ACVR2B: variants seen among roughly 807,000 people sequenced by gnomAD.
ACVR2B encodes activin A receptor type 2B, also known as activin receptor type-2B.
In ACVR2B, 18 loss-of-function variants were observed where a neutral mutation model predicts 65.1. The ratio of observed to expected loss-of-function variants is 0.28; its 90% CI spans 0.19 to 0.41. The LOEUF (loss-of-function observed/expected upper bound fraction) is 0.41, where lower values mean the gene tolerates loss of function less well. Ranked by LOEUF, ACVR2B falls within the 10% of genes least tolerant of loss-of-function variation. ACVR2B has a pLI of 1.00. For missense variants in ACVR2B, 482 were observed against 682.7 expected, an observed-to-expected ratio of 0.71 and a Z score of 3.28; for synonymous variants, 298 against 277.7, an observed-to-expected ratio of 1.07 and a Z score of -0.73.
rs762333015 is a variant in ACVR2B at position 38,477,533 on chromosome 3, C to T, written c.260+39C>T. The T allele has an allele frequency of 1.4e-5, 23 of 1,599,970 alleles. No homozygotes were observed. In the South Asian group the frequency reaches 2.5e-4, roughly 17 times the overall value. ...TGCCCTCCTTTCCTCTTGGACCCAC[C>T]TGCGCTTATACTGCCCACTGGGCCA... On this transcript the variant is annotated intron_variant, in intron 2 of 10. Transcript: ENST00000352511. This position sits in a 1 kb window ranked among gnomAD's most constrained non-coding sequence, Gnocchi z 6.7.
At chr3:38,465,517 C>T (rs903841168) in intron 1 of ACVR2B, among the ~76,000 whole-genome samples, 7 of 151,688 alleles carry the variant, frequency 4.6e-5, no homozygotes, top group East Asian at 1.9e-4. Context: ...ACTTGTTTTA[C>T]GTAATAACAG....
In ACVR2B at chr3:38,481,426, A is replaced by G; in HGVS notation, c.1035A>G (p.Arg345=). ...TGGCTGACTTTGGCTTGGCTGTTCG[A>G]TTTGAGCCAGGGAAACCTCCAGGGG... ...AVLADFGLAV[R]FEPGKPPGDT... The change falls in exon 8 of 11, where the codon CGA becomes CGG. Residue 345 remains arginine (R), a synonymous_variant. Coordinates refer to ENST00000352511, the MANE Select transcript of ACVR2B (RefSeq NM_001106.4). The surrounding 1 kb of genome is among the most constrained non-coding windows in gnomAD (Gnocchi z 4.7). 6.2e-7 allele frequency: 1 copy of G among 1,614,194 alleles called. No individual in the cohort carries two copies. Among genetic ancestry groups the G allele is most frequent in the Non-Finnish European group, 8.5e-7 (1 of 1,180,034 alleles).
chr3:38,473,391 G>GC (rs1709852732), intron 1 of ACVR2B: 1 of 152,464 alleles, frequency 6.6e-6, no homozygotes, highest in South Asian at 2.1e-4. Context: ...GTCAAGGGGA[G>GC]CCTCCTGTGC....
intron 6 of ACVR2B, among the ~76,000 whole-genome samples, 178 bp downstream of exon 6, chr3:38,479,449 T>C (rs1709978149): frequency 6.6e-6 from 1 of 152,174 alleles, no homozygotes; most frequent in South Asian, 2.1e-4. Context: ...TCCCCTATGA[T>C]AGGAACCTCT....
rs1236612689 is a variant in ACVR2B at position 38,492,629 on chromosome 3, A to G, written c.*9297A>G. On this transcript the variant is annotated 3_prime_UTR_variant, in exon 11 of 11. Coordinates refer to ENST00000352511, the MANE Select transcript of ACVR2B (RefSeq NM_001106.4). ...CTACTGAATTAACAAAAGTTATACTAAAGTATCATGTTTAAAAAAAATATA... is the reference window on the plus strand; with the variant it reads ...CTACTGAATTAACAAAAGTTATACTGAAGTATCATGTTTAAAAAAAATATA... The G allele has an allele frequency of 2.3e-5, 2 of 88,068 alleles. No homozygotes were observed. Among genetic ancestry groups the G allele is most frequent in the African/African-American group, 7.4e-5 (2 of 26,916 alleles). The allele number at this position is 88,068 out of a possible 1,614,324, so 5.5% of individuals were successfully genotyped here.
In ACVR2B at chr3:38,481,269, G is replaced by T; in HGVS notation, c.960-82G>T. The stretch of plus-strand genomic sequence containing the variant: ...GCCTGGTCTGGGGCCTGACTCTAGG[G>T]CACAGACTCTAGTATCTTGGGAACC... On this transcript the variant is annotated intron_variant, in intron 7 of 10. Transcript: ENST00000352511. The surrounding 1 kb of genome is among the most constrained non-coding windows in gnomAD (Gnocchi z 4.7). 1 of 1,210,782 alleles carries T rather than the reference G, an allele frequency of 8.3e-7. No homozygotes were observed. The allele number at this position is 1,210,782 out of a possible 1,614,324, so 75.0% of individuals were successfully genotyped here.
chr3:38,459,848 G>T (rs79677453), intron 1 of ACVR2B, among the ~76,000 whole-genome samples: 1 of 152,304 alleles, frequency 6.6e-6, no homozygotes, highest in Non-Finnish European at 1.5e-5. Context: ...ATCTGTGGAG[G>T]CTTGTCTATT....
chr3:38,459,431 G>A (rs1409498516), intron 1 of ACVR2B: 2 of 221,040 alleles, frequency 9.0e-6, no homozygotes, highest in Non-Finnish European at 1.5e-5. Context: ...TCTTCCTCCC[G>A]TACACGCAGA....
rs1367858331 is a variant in ACVR2B, at chr3:38,486,140, T to C, written c.*2808T>C. The C allele has an allele frequency of 1.3e-5, 2 of 152,248 alleles. No homozygotes were observed. The highest frequency in any genetic ancestry group is 4.8e-5 in the African/African-American group (2 of 41,448). The allele number at this position is 152,248 out of a possible 1,614,324, so 9.4% of individuals were successfully genotyped here. On this transcript the variant is annotated 3_prime_UTR_variant, in exon 11 of 11. Coordinates refer to ENST00000352511, the MANE Select transcript of ACVR2B (RefSeq NM_001106.4). ...CAGGCCTGCGTGCCTTTTCTCTGGG[T>C]GGCCTCCCCGTTAGGCCCACCGTAC...
chr3:38,462,835 G>A (rs1258098115), intron 1 of ACVR2B, among the ~76,000 whole-genome samples: 1 of 152,146 alleles, frequency 6.6e-6, no homozygotes, highest in Non-Finnish European at 1.5e-5. Flanking sequence ...GGTTTTAATA[G>A]ATACTGAAAA....
In ACVR2B at chr3:38,481,779, C is replaced by G. The variant is rs1006935171; in HGVS notation, c.1074+314C>G. Among the ~76,000 whole-genome samples, 7 of 152,192 alleles carry G rather than the reference C, an allele frequency of 4.6e-5. No homozygotes were observed. The highest frequency in any genetic ancestry group is 8.8e-5 in the Non-Finnish European group (6 of 68,028). The stretch of plus-strand genomic sequence containing the variant: ...TCCTAAGACAAAACAAAGAAATGTA[C>G]TAAGGATCCAAACAAAGAACCTGGA... On this transcript the variant is annotated intron_variant, in intron 8 of 10. Coordinates refer to ENST00000352511, the MANE Select transcript of ACVR2B (RefSeq NM_001106.4). The surrounding 1 kb of genome is among the most constrained non-coding windows in gnomAD (Gnocchi z 4.7).
intron 1 of ACVR2B, among the ~76,000 whole-genome samples, chr3:38,466,641 C>G (rs193275216): frequency 2.6e-5 from 4 of 151,964 alleles, no homozygotes; most frequent in African/African-American, 9.6e-5. Context: ...GTAGCTGGGA[C>G]TACAGGCACA....
intron 1 of ACVR2B, 84 bp downstream of exon 1, chr3:38,454,458 C>A: frequency 8.7e-7 from 1 of 1,147,728 alleles, no homozygotes; most frequent in Non-Finnish European, 1.1e-6. Flanking sequence ...CAACAAAGGG[C>A]GGGCCCGGGG....
In ACVR2B at chr3:38,478,407, G is replaced by T. The variant is rs1371265693; in HGVS notation, c.555G>T (p.Val185=). The T allele has an allele frequency of 3.7e-6, 6 of 1,614,002 alleles. No individual in the cohort carries two copies. The African/African-American group carries it at 8.0e-5, about 22-fold the overall frequency. ...DPGPPPPSPL[V]GLKPLQLLEI... ...GGCCTCCACCACCATCCCCTCTGGT[G>T]GGCCTGAAGCCACTGCAGCTGCTGG... Residue 185 remains valine, a synonymous_variant, in exon 5 of 11, where the codon GTG becomes GTT. Transcript: ENST00000352511.
At chr3:38,455,202 T>C (rs1458673341) in intron 1 of ACVR2B, among the ~76,000 whole-genome samples, 3 of 151,900 alleles carry the variant, frequency 2.0e-5, no homozygotes, top group African/African-American at 7.3e-5. Flanking sequence ...CCTGGAAAGC[T>C]TGTTTCTCCT....
intron 1 of ACVR2B, among the ~76,000 whole-genome samples, chr3:38,469,011 A>C (rs1056941189): frequency 6.6e-6 from 1 of 152,160 alleles, no homozygotes; most frequent in East Asian, 1.9e-4. Flanking sequence ...ACAAAGTCCA[A>C]GTTGGAAGTG....
At chr3:38,480,205 C>T (rs1015720215) in intron 7 of ACVR2B, among the ~76,000 whole-genome samples, 1 of 152,178 alleles carries the variant, frequency 6.6e-6, no homozygotes, top group Non-Finnish European at 1.5e-5. Flanking sequence ...CATTCGCTGT[C>T]AGAGTGAGGA....
At chr3:38,456,547 A>G (rs1709553540) in intron 1 of ACVR2B, among the ~76,000 whole-genome samples, 1 of 152,186 alleles carries the variant, frequency 6.6e-6, no homozygotes, top group Non-Finnish European at 1.5e-5. Context: ...AATACTGTAG[A>G]CTGGTGGCTT....
Position 38,479,728 on chromosome 3 carries a change from G to A in ACVR2B, c.861G>A (p.Leu287=). 6.2e-7 allele frequency: 1 copy of A among 1,614,224 alleles called. No individual in the cohort carries two copies. The change falls in exon 7 of 11, where the codon CTG becomes CTA. Residue 287 remains leucine (L), a synonymous_variant. Coordinates refer to ENST00000352511, the MANE Select transcript of ACVR2B (RefSeq NM_001106.4). ...LKGNIITWNE[L]CHVAETMSRG... is the part of the protein sequence containing the mutation. ...GGAACATCATCACATGGAACGAACT[G>A]TGTCATGTAGCAGAGACGATGTCAC...
Sources: allele counts gnomAD v4.1 joint callset (sites outside exome capture counted in the v4.1 genomes callset), GRCh38; gene constraint gnomAD v4.1.1; non-coding constraint Gnocchi (gnomAD v3.1); transcripts MANE v1.5; gene names NCBI Gene and HGNC (gene_info 2026-07-23, HGNC 2026-07-21).